SMURF2: variants seen among roughly 807,000 people sequenced by gnomAD.
The protein encoded by SMURF2 is E3 ubiquitin-protein ligase SMURF2.
A neutral mutation model predicts 109.6 loss-of-function variants in SMURF2; 48 were observed. That is an observed-to-expected ratio of 0.44 (90% CI 0.35 to 0.56). The LOEUF is 0.56. Among genes scored for constraint, SMURF2 ranks in the 20% least tolerant of loss-of-function variants. The probability of loss-of-function intolerance (pLI) is 0.01; values close to 1 mark genes in which losing one functional copy is unlikely to be tolerated. For missense variants in SMURF2, 575 were observed against 909.0 expected, an observed-to-expected ratio of 0.63 and a Z score of 4.72; for synonymous variants, 288 against 317.1, an observed-to-expected ratio of 0.91 and a Z score of 0.97.
At chr17:64,607,966 TCC>T (rs1969992676) in intron 1 of SMURF2, among the ~76,000 whole-genome samples, 1 of 149,554 alleles carries the variant, frequency 6.7e-6, no homozygotes, top group African/African-American at 2.5e-5. Context: ...ACCACTGAAC[TCC>T]AGCCTGGGCG....
intron 5 of SMURF2, among the ~76,000 whole-genome samples, chr17:64,588,785 A>G (rs1969706682): frequency 1.3e-5 from 2 of 151,794 alleles, no homozygotes; most frequent in African/African-American, 2.4e-5. Context: ...ATGCCACACC[A>G]GCTAATTTTT....
At chr17:64,591,204 T>C in intron 4 of SMURF2, 55 bp from the exon 5 acceptor site, 1 of 1,241,174 alleles carries the variant, frequency 8.1e-7, no homozygotes, top group Non-Finnish European at 1.2e-6. Flanking sequence ...TCAGAGATTC[T>C]AACATCTATA....
intron 1 of SMURF2, among the ~76,000 whole-genome samples, chr17:64,638,062 CTTTTTTTTT>C (rs1195172818): frequency 1.9e-3 from 198 of 102,446 alleles, no homozygotes; most frequent in African/African-American, 7.8e-3. Flanking sequence ...TTTCCTTTTT[CTTTTTTTTT>C]TTTTTTTTTT....
chr17:64,568,651 C>A (rs555209903), intron 10 of SMURF2, among the ~76,000 whole-genome samples: 16 of 152,300 alleles, frequency 1.1e-4, no homozygotes, highest in African/African-American at 3.6e-4. Flanking sequence ...AGTGCTCCAA[C>A]ATCTTTTATT....
intron 14 of SMURF2, 51 bp from the exon 15 acceptor site, chr17:64,555,044 C>T: frequency 6.6e-7 from 1 of 1,506,786 alleles, no homozygotes; most frequent in Non-Finnish European, 9.1e-7. Flanking sequence ...AAAATACAGA[C>T]CCTATAGATG....
rs782686086 is a variant in SMURF2 at position 64,545,815 on chromosome 17, T to A, written c.*33A>T. 7.1e-6 allele frequency: 9 copies of A among 1,270,182 alleles called. No homozygotes were observed. The African/African-American group carries it at 7.4e-5, about 10-fold the overall frequency. The allele number at this position is 1,270,182 out of a possible 1,614,324, so 78.7% of individuals were successfully genotyped here. A position where few individuals can be genotyped will look rare whatever the true frequency, so the allele number is the denominator to read the frequency against. On this transcript the variant is annotated 3_prime_UTR_variant, in exon 19 of 19. Transcript: ENST00000262435. ...AAGGAGGCTGTCAGTCAGGGTTGTATAAATAGAGTCCTGGGTAAATCCTTG... is the reference window on the plus strand; with the variant it reads ...AAGGAGGCTGTCAGTCAGGGTTGTAAAAATAGAGTCCTGGGTAAATCCTTG...
At chr17:64,558,220 C>T (rs947134987) in intron 12 of SMURF2, among the ~76,000 whole-genome samples, 2 of 151,970 alleles carry the variant, frequency 1.3e-5, no homozygotes, top group African/African-American at 2.4e-5. Context: ...GGCAACAAGG[C>T]GAAATCCCAT....
chr17:64,566,995 C>A (rs868946910), intron 10 of SMURF2, among the ~76,000 whole-genome samples: 1 of 151,772 alleles, frequency 6.6e-6, no homozygotes, highest in African/African-American at 2.4e-5. Context: ...CTCAGCCTCC[C>A]GAGTAGCTGG....
intron 1 of SMURF2, among the ~76,000 whole-genome samples, chr17:64,630,607 T>C (rs1169386683): frequency 6.6e-6 from 1 of 152,150 alleles, no homozygotes; most frequent in Non-Finnish European, 1.5e-5. Context: ...GGACAACTAC[T>C]GGGGGCAAGG....
At chr17:64,661,736 G>A in intron 1 of SMURF2, 93 bp downstream of exon 1, 1 of 940,138 alleles carries the variant, frequency 1.1e-6, no homozygotes. Flanking sequence ...ACTCATCATT[G>A]ATCGCGACCC....
At chr17:64,621,127 C>T (rs764902549) in intron 1 of SMURF2, among the ~76,000 whole-genome samples, 76 of 152,160 alleles carry the variant, frequency 5.0e-4, no homozygotes, top group Non-Finnish European at 8.5e-4. Context: ...GGTAAACTTC[C>T]ACATCTTCTG....
At chr17:64,587,035 G>C (rs1253082325) in intron 5 of SMURF2, among the ~76,000 whole-genome samples, 1 of 151,920 alleles carries the variant, frequency 6.6e-6, no homozygotes, top group African/African-American at 2.4e-5. Flanking sequence ...AGGAACTATG[G>C]GCGTGGTGCG....
chr17:64,593,624 C>A, intron 3 of SMURF2, 51 bp from the exon 4 acceptor site: 1 of 1,427,174 alleles, frequency 7.0e-7, no homozygotes, highest in Non-Finnish European at 9.3e-7. Context: ...AGGCAGTTGG[C>A]GTAAAATTTT....
intron 1 of SMURF2, among the ~76,000 whole-genome samples, chr17:64,616,907 A>G (rs1277329778): frequency 3.3e-5 from 5 of 151,004 alleles, no homozygotes; most frequent in African/African-American, 9.8e-5. Context: ...CATCTCTACA[A>G]AAATATACAA....
intron 1 of SMURF2, among the ~76,000 whole-genome samples, chr17:64,640,390 T>C (rs967769286): frequency 2.6e-5 from 4 of 152,100 alleles, no homozygotes; most frequent in Admixed American, 6.6e-5. Context: ...GTGGAAGAGA[T>C]TGGCCTTTTC....
chr17:64,590,031 G>A (rs1433858819), intron 5 of SMURF2, among the ~76,000 whole-genome samples: 1 of 151,632 alleles, frequency 6.6e-6, no homozygotes, highest in East Asian at 1.9e-4. Flanking sequence ...TCACTGCCTT[G>A]TAAAATAAAG....
chr17:64,636,709 G>A (rs1362391576), intron 1 of SMURF2, among the ~76,000 whole-genome samples: 1 of 151,438 alleles, frequency 6.6e-6, no homozygotes, highest in African/African-American at 2.4e-5. Context: ...AACCCAGGAG[G>A]TGGAGGTTGC....
At position 64,545,132 on chromosome 17, in the gene SMURF2, A is replaced by C. The variant is rs1279421587; in HGVS notation, c.*716T>G. ...CCCTGAACACATCTTATTGTCACAA[A>C]TAAATGACTAAGTTTAGACTAAATG... On this transcript the variant is annotated 3_prime_UTR_variant, in exon 19 of 19. Coordinates refer to ENST00000262435, the MANE Select transcript of SMURF2 (RefSeq NM_022739.4). The C allele has an allele frequency of 1.3e-5, 2 of 152,484 alleles. No homozygotes were observed. Among genetic ancestry groups the C allele is most frequent in the Middle Eastern group, 3.2e-3 (1 of 316 alleles). The allele number at this position is 152,484 out of a possible 1,614,324, so 9.4% of individuals were successfully genotyped here.
chr17:64,557,185 C>T (rs1555684109), intron 13 of SMURF2, among the ~76,000 whole-genome samples: 1 of 152,178 alleles, frequency 6.6e-6, no homozygotes, highest in African/African-American at 2.4e-5. Context: ...CTCATAACCC[C>T]TCTTTGAGGT....
Sources: allele counts gnomAD v4.1 joint callset (sites outside exome capture counted in the v4.1 genomes callset), GRCh38; gene constraint gnomAD v4.1.1; transcripts MANE v1.5; gene names NCBI Gene and HGNC (gene_info 2026-07-23, HGNC 2026-07-21).